The following ACYP2 variants were observed in gnomAD, a reference collection of about 807,000 sequenced individuals.
ACYP2 encodes acylphosphatase 2.
In ACYP2, 12 loss-of-function variants were observed where a neutral mutation model predicts 11.2. The ratio of observed to expected loss-of-function variants is 1.08; its 90% CI spans 0.69 to 1.74. The LOEUF (loss-of-function observed/expected upper bound fraction) is 1.74, where lower values mean the gene tolerates loss of function less well. Ranked by LOEUF, ACYP2 falls within the 40% of genes most tolerant of loss-of-function variation. The pLI, the probability that ACYP2 is intolerant of heterozygous loss-of-function variation, is 0.00. For synonymous variants in ACYP2, 43 were observed against 32.2 expected, an observed-to-expected ratio of 1.33 and a Z score of -1.13; for missense variants, 134 against 101.9, an observed-to-expected ratio of 1.31 and a Z score of -1.35.
intron 6 of ACYP2, among the ~76,000 whole-genome samples, chr2:54,265,006 G>A (rs756253922): frequency 1.2e-4 from 18 of 152,112 alleles, no homozygotes; most frequent in Non-Finnish European, 1.6e-4. Flanking sequence ...GGGGAGAGAG[G>A]GAGGAAAGAA....
chr2:54,260,622 A>C (rs1687737533), intron 6 of ACYP2, among the ~76,000 whole-genome samples: 1 of 152,202 alleles, frequency 6.6e-6, no homozygotes, highest in South Asian at 2.1e-4. Context: ...AGGGTACTGA[A>C]GGTCTCCTGG....
intron 6 of ACYP2, among the ~76,000 whole-genome samples, chr2:54,248,930 G>C (rs2104001868): frequency 6.6e-6 from 1 of 152,196 alleles, no homozygotes; most frequent in South Asian, 2.1e-4. Flanking sequence ...TGGTTGAGGT[G>C]GGCAAATGAA....
chr2:54,051,659 G>A (rs1001528760), intron 3 of ACYP2: 9 of 718,954 alleles, frequency 1.3e-5, no homozygotes, highest in African/African-American at 1.2e-4. Context: ...GAAGTTGAAG[G>A]AAAAATATGA....
At chr2:54,204,188 G>A (rs888639917) in intron 6 of ACYP2, among the ~76,000 whole-genome samples, 23 of 151,928 alleles carry the variant, frequency 1.5e-4, no homozygotes, top group East Asian at 1.9e-4. Flanking sequence ...TAGTAGAGAC[G>A]GAATTTCACC....
intron 6 of ACYP2, among the ~76,000 whole-genome samples, chr2:54,166,538 T>C (rs1000559770): frequency 6.6e-6 from 1 of 152,226 alleles, no homozygotes; most frequent in East Asian, 1.9e-4. Context: ...TACATTCAGA[T>C]ACTGTGACTT....
chr2:54,132,133 G>A (rs1037327766), intron 4 of ACYP2, among the ~76,000 whole-genome samples: 2 of 151,964 alleles, frequency 1.3e-5, no homozygotes, highest in African/African-American at 4.8e-5. Flanking sequence ...CTTGGTCAGT[G>A]TCTTACTGTG....
At chr2:54,093,022 T>A (rs963154145) in intron 4 of ACYP2, among the ~76,000 whole-genome samples, 1 of 152,174 alleles carries the variant, frequency 6.6e-6, no homozygotes, top group African/African-American at 2.4e-5. Flanking sequence ...CTCCCACTGG[T>A]TGGGCTGAGG....
intron 6 of ACYP2, among the ~76,000 whole-genome samples, chr2:54,171,244 A>G (rs1303193370): frequency 6.6e-6 from 1 of 151,738 alleles, no homozygotes; most frequent in Non-Finnish European, 1.5e-5. Flanking sequence ...CCCAAATACG[A>G]CCCTTTTAAT....
intron 4 of ACYP2, among the ~76,000 whole-genome samples, chr2:54,070,297 GA>G (rs1676968918): frequency 6.7e-6 from 1 of 148,674 alleles, no homozygotes; most frequent in Non-Finnish European, 1.5e-5. Flanking sequence ...AAGAAAGAAA[GA>G]AAAAATACAT....
Position 54,126,169 on chromosome 2 carries a change from A to G in ACYP2, c.278-9284A>G, listed in dbSNP as rs193144340. ...GAAACTTCATAGGCCAGTTTGCAGAAGAAGATAGGTAATAATAACGTATGT... is the reference window on the plus strand; with the variant it reads ...GAAACTTCATAGGCCAGTTTGCAGAGGAAGATAGGTAATAATAACGTATGT... On this transcript the variant is annotated intron_variant, in intron 4 of 6. Transcript: ENST00000607452. Among the ~76,000 whole-genome samples the G allele has an allele frequency of 1.6e-3, 240 of 152,366 alleles. 1 individual carries two copies. The highest frequency in any genetic ancestry group is 5.6e-3 in the African/African-American group (232 of 41,590).
At chr2:54,264,130 A>G (rs192108551) in intron 6 of ACYP2, among the ~76,000 whole-genome samples, 7 of 152,146 alleles carry the variant, frequency 4.6e-5, no homozygotes, top group Non-Finnish European at 7.4e-5. Flanking sequence ...GTTCCTTCAG[A>G]TGTTCAGAAG....
At chr2:54,152,029 C>T (rs140672952) in intron 6 of ACYP2, among the ~76,000 whole-genome samples, 72 of 150,972 alleles carry the variant, frequency 4.8e-4, no homozygotes, top group African/African-American at 1.7e-3. Flanking sequence ...TAACATCTTG[C>T]ATTATGTAGT....
At chr2:54,162,718 C>A (rs1682773941) in intron 6 of ACYP2, among the ~76,000 whole-genome samples, 1 of 152,172 alleles carries the variant, frequency 6.6e-6, no homozygotes, top group Non-Finnish European at 1.5e-5. Context: ...ATAATCCCAG[C>A]ACTTTTGGAG....
At chr2:53,991,553 G>A (rs560819366) in intron 2 of ACYP2, among the ~76,000 whole-genome samples, 1 of 151,870 alleles carries the variant, frequency 6.6e-6, no homozygotes, top group East Asian at 1.9e-4. Context: ...TTACAGGCAT[G>A]CGCCACCACA....
intron 4 of ACYP2, chr2:54,057,492 C>T (rs1208558793): frequency 2.1e-5 from 8 of 387,030 alleles, no homozygotes; most frequent in Non-Finnish European, 3.7e-5. Flanking sequence ...GGAAAAAGTG[C>T]CCATGTAAAA....
intron 4 of ACYP2, among the ~76,000 whole-genome samples, chr2:54,095,747 G>T (rs1182968468): frequency 1.8e-5 from 2 of 114,142 alleles, no homozygotes; most frequent in Non-Finnish European, 3.7e-5. Context: ...GGGCAGAGGC[G>T]CCCCTCACCT....
chr2:54,112,737 C>T (rs986025682), intron 4 of ACYP2, among the ~76,000 whole-genome samples: 1 of 152,154 alleles, frequency 6.6e-6, no homozygotes, highest in Admixed American at 6.5e-5. Context: ...GAAACATTTG[C>T]GTACATTTTC....
At chr2:54,152,462 A>T (rs767461359) in intron 6 of ACYP2, among the ~76,000 whole-genome samples, 10 of 152,038 alleles carry the variant, frequency 6.6e-5, no homozygotes, top group Non-Finnish European at 1.5e-4. Context: ...ACTGGTTTTG[A>T]TAAATGTATG....
At chr2:54,088,199 G>A (rs1183270736) in intron 4 of ACYP2, among the ~76,000 whole-genome samples, 1 of 152,198 alleles carries the variant, frequency 6.6e-6, no homozygotes, top group Non-Finnish European at 1.5e-5. Flanking sequence ...GTATTCCAGA[G>A]AGTGTTAGGG....
Sources: gnomAD v4.1 joint callset for allele counts (sites outside exome capture counted in the v4.1 genomes callset) on GRCh38, gnomAD v4.1.1 for gene constraint, MANE v1.5 for transcripts, NCBI Gene and HGNC (gene_info 2026-07-23, HGNC 2026-07-21) for gene names.